PHF24: variants seen among roughly 807,000 people sequenced by gnomAD.
PHF24 encodes the protein PHD finger protein 24.
A neutral mutation model predicts 42.6 loss-of-function variants in PHF24; 25 were observed. The observed-to-expected ratio is 0.59, with a 90% CI of 0.43 to 0.82. The LOEUF is 0.82. PHF24 is among the 40% of genes least tolerant of loss of function. PHF24 has a pLI of 0.00. For missense variants in PHF24, 470 were observed against 538.1 expected (o/e 0.87, Z 1.25); for synonymous variants, 185 against 204.8 (o/e 0.90, Z 0.83).
the PHF24 span, among the ~76,000 whole-genome samples, chr9:34,819,722 T>C: frequency 6.6e-6 from 1 of 152,196 alleles, no homozygotes; most frequent in African/African-American, 2.4e-5. Context: ...GCCCAGAATG[T>C]GGTATATGAT....
the PHF24 span, among the ~76,000 whole-genome samples, chr9:34,873,590 C>T: frequency 6.6e-6 from 1 of 151,910 alleles, no homozygotes; most frequent in Admixed American, 6.6e-5. Flanking sequence ...CAGTACCATG[C>T]TGTTTTGGTT....
chr9:34,900,366 A>C, the PHF24 span, among the ~76,000 whole-genome samples: 1 of 152,206 alleles, frequency 6.6e-6, no homozygotes, highest in African/African-American at 2.4e-5. Flanking sequence ...TGGGAGGCTG[A>C]GGTGGGTGGA....
chr9:34,936,082 CTCTCCCTCTCTTTCCACGG>C, the PHF24 span, among the ~76,000 whole-genome samples: 1 of 151,758 alleles, frequency 6.6e-6, no homozygotes. Context: ...CACGGTCTCC[CTCTCCCTCTCTTTCCACGG>C]TCTCCCTCTG....
At chr9:34,795,058 GA>G in the PHF24 span, among the ~76,000 whole-genome samples, 1 of 151,916 alleles carries the variant, frequency 6.6e-6, no homozygotes, top group Non-Finnish European at 1.5e-5. Context: ...TAAAGATAAA[GA>G]AAAAATTGTG....
intron 1 of PHF24, among the ~76,000 whole-genome samples, chr9:34,970,083 G>C (rs1441011397): frequency 6.6e-6 from 1 of 152,172 alleles, no homozygotes; most frequent in Non-Finnish European, 1.5e-5. Flanking sequence ...ACATAATACT[G>C]TTCAATAAGC....
chr9:34,789,494 C>T, the PHF24 span, among the ~76,000 whole-genome samples: 1 of 152,150 alleles, frequency 6.6e-6, no homozygotes, highest in African/African-American at 2.4e-5. Flanking sequence ...CTACAGAAGC[C>T]CATCTTGGCT....
chr9:34,835,642 A>G, the PHF24 span: 17 of 1,550,766 alleles, frequency 1.1e-5, no homozygotes, highest in East Asian at 3.4e-4. Flanking sequence ...TGAAGAAGCT[A>G]TGGTGTTTGG....
chr9:34,666,381 G>A, the PHF24 span, among the ~76,000 whole-genome samples: 7 of 152,018 alleles, frequency 4.6e-5, no homozygotes, highest in Non-Finnish European at 1.0e-4. Context: ...TCTCTTGCCT[G>A]CCTTCCTCCC....
At chr9:34,857,421 C>T in the PHF24 span, among the ~76,000 whole-genome samples, 3 of 152,210 alleles carry the variant, frequency 2.0e-5, no homozygotes, top group South Asian at 2.1e-4. Context: ...GCTTCAGACC[C>T]AAGGCCCTGA....
the PHF24 span, chr9:34,835,124 T>C: frequency 6.5e-7 from 1 of 1,537,112 alleles, no homozygotes; most frequent in Admixed American, 2.0e-5. Flanking sequence ...AGCCATAGGG[T>C]TTGGAGTTTG....
the PHF24 span, among the ~76,000 whole-genome samples, chr9:34,911,921 C>G: frequency 6.6e-6 from 1 of 152,158 alleles, no homozygotes; most frequent in Non-Finnish European, 1.5e-5. Context: ...CTTCCTTTAC[C>G]TACCAATTTC....
the PHF24 span, among the ~76,000 whole-genome samples, chr9:34,896,564 T>C: frequency 6.6e-6 from 1 of 152,208 alleles, no homozygotes; most frequent in Non-Finnish European, 1.5e-5. Context: ...AGATGAGTTA[T>C]TGGCAAAACT....
chr9:34,881,191 C>G, the PHF24 span, among the ~76,000 whole-genome samples: 1 of 152,178 alleles, frequency 6.6e-6, no homozygotes, highest in African/African-American at 2.4e-5. Flanking sequence ...ACCAGAATCT[C>G]TGGGACACAT....
the PHF24 span, among the ~76,000 whole-genome samples, chr9:34,796,085 T>G: frequency 6.6e-6 from 1 of 150,776 alleles, no homozygotes; most frequent in African/African-American, 2.4e-5. Context: ...ATTCAATATT[T>G]GACAAAGGTA....
chr9:34,738,385 C>T, the PHF24 span, among the ~76,000 whole-genome samples: 1 of 152,062 alleles, frequency 6.6e-6, no homozygotes, highest in Admixed American at 6.6e-5. Flanking sequence ...GAGTCTCGCT[C>T]TGTCGCCCAG....
At chr9:34,928,892 TCCAGGAGTCCCTTGGTCTTGCAGTC>T in the PHF24 span, among the ~76,000 whole-genome samples, 1 of 152,210 alleles carries the variant, frequency 6.6e-6, no homozygotes, top group Non-Finnish European at 1.5e-5. Context: ...ATCTCAGTAG[TCCAGGAGTCCCTTGGTCTTGCAGTC>T]CTCTTGGTAC....
chr9:34,862,820 GA>G, the PHF24 span, among the ~76,000 whole-genome samples: 1 of 151,854 alleles, frequency 6.6e-6, no homozygotes, highest in Admixed American at 6.6e-5. Flanking sequence ...GCCACAGGGG[GA>G]TAGAGCACCA....
chr9:34,680,352 G>GC, the PHF24 span, among the ~76,000 whole-genome samples: 1 of 152,044 alleles, frequency 6.6e-6, no homozygotes, highest in African/African-American at 2.4e-5. Context: ...TCCAGCCTGG[G>GC]CGACTGAGGG....
chr9:34,686,174 T>C, the PHF24 span, among the ~76,000 whole-genome samples: 1 of 152,194 alleles, frequency 6.6e-6, no homozygotes, highest in Non-Finnish European at 1.5e-5. Flanking sequence ...TGCTGATTCC[T>C]ACAGAGGGGC....
Sources: allele counts gnomAD v4.1 joint callset (sites outside exome capture counted in the v4.1 genomes callset), GRCh38; gene constraint gnomAD v4.1.1; transcripts MANE v1.5; gene names NCBI Gene and HGNC (gene_info 2026-07-23, HGNC 2026-07-21).